The following INTU variants were observed in gnomAD, a reference collection of about 807,000 sequenced individuals.
INTU encodes inturned planar cell polarity protein.
Under a neutral mutation model 100.5 loss-of-function variants are expected in INTU, and 68 were observed. That is an observed-to-expected ratio of 0.68 (90% CI 0.56 to 0.83). The LOEUF is 0.83. INTU is among the 40% of genes least tolerant of loss of function. The pLI is 0.00. For synonymous variants in INTU, 357 were observed against 395.7 expected (o/e 0.90, Z 1.16); for missense variants, 1,071 against 1,114.7 (o/e 0.96, Z 0.56).
At chr4:127,640,536 AAGATAC>A in intron 1 of INTU, among the ~76,000 whole-genome samples, 1 of 102,654 alleles carries the variant, frequency 9.7e-6, no homozygotes, top group Admixed American at 1.1e-4. Context: ...CTTTTGGGTA[AAGATAC>A]ATATATATAT....
chr4:127,692,190 G>A (rs528913351), intron 8 of INTU, among the ~76,000 whole-genome samples: 1 of 151,808 alleles, frequency 6.6e-6, no homozygotes, highest in African/African-American at 2.4e-5. Flanking sequence ...TTCCATAGTG[G>A]TTGTACTAGT....
At chr4:127,673,017 C>T (rs1729004452) in intron 5 of INTU, among the ~76,000 whole-genome samples, 1 of 152,196 alleles carries the variant, frequency 6.6e-6, no homozygotes, top group Non-Finnish European at 1.5e-5. Flanking sequence ...TCCTTGAGAA[C>T]ACATTTAAAT....
rs539820199 is a variant in INTU, at chr4:127,678,234, T to G, written c.1181+4021T>G. Among the ~76,000 whole-genome samples the G allele has an allele frequency of 9.3e-3, 1,410 of 152,106 alleles. 23 individuals are homozygous for G. Among genetic ancestry groups the G allele is most frequent in the African/African-American group, 0.028 (1,161 of 41,478 alleles). On this transcript the variant is annotated intron_variant, in intron 6 of 15. Coordinates refer to ENST00000335251, the MANE Select transcript of INTU (RefSeq NM_015693.4). ...TAGCAAGGCAGGCCAACATTCAGAT[T>G]CAGGAAATACAGAGAACGCCACAAA...
intron 1 of INTU, among the ~76,000 whole-genome samples, chr4:127,640,538 GATACATATATATATATATATATATAT>G (rs1196179456): frequency 4.3e-5 from 3 of 70,372 alleles, no homozygotes; most frequent in Non-Finnish European, 7.3e-5. Flanking sequence ...TTTGGGTAAA[GATACATATATATATATATATATATAT>G]ATATATATAT....
chr4:127,649,864 A>G (rs1212023576), intron 2 of INTU, among the ~76,000 whole-genome samples: 3 of 152,112 alleles, frequency 2.0e-5, no homozygotes, highest in Admixed American at 2.0e-4. Context: ...TTTCCTAATA[A>G]TATATTTAGG....
chr4:127,681,847 C>T (rs533744728), intron 6 of INTU, among the ~76,000 whole-genome samples: 1 of 152,140 alleles, frequency 6.6e-6, no homozygotes, highest in East Asian at 1.9e-4. Context: ...TTTTTGCAAC[C>T]TACTCATCTG....
chr4:127,673,561 T>G (rs1260933235), intron 5 of INTU, among the ~76,000 whole-genome samples: 1 of 151,860 alleles, frequency 6.6e-6, no homozygotes, highest in East Asian at 1.9e-4. Context: ...TTTTTTTTTT[T>G]TTCTATAATA....
At chr4:127,707,962 C>G (rs768146021) in intron 12 of INTU, among the ~76,000 whole-genome samples, 6 of 152,116 alleles carry the variant, frequency 3.9e-5, no homozygotes, top group Non-Finnish European at 7.4e-5. Context: ...CTATGAAATG[C>G]TAGTAGCATG....
chr4:127,706,518 C>G lies in INTU; in HGVS notation c.1820C>G (p.Ala607Gly). Residue 607 changes from alanine (A) to glycine (G), a missense_variant, in exon 12 of 16, where the codon GCT (alanine) becomes GGT (glycine). Transcript: ENST00000335251. Reference sequence around the variant, plus strand: ...TATATGCTATGTGTACTATTAGAAGCTGGAGGTTGCGCATCCAAAGCTATT... The same window carrying G: ...TATATGCTATGTGTACTATTAGAAGGTGGAGGTTGCGCATCCAAAGCTATT... The part of the protein sequence containing the change: ...KHYMLCVLLE[A>G]GGCASKAIGS... The G allele has an allele frequency of 6.2e-7, 1 of 1,613,528 alleles. No individual in the cohort carries two copies. Among genetic ancestry groups the G allele is most frequent in the South Asian group, 1.1e-5 (1 of 91,044 alleles).
chr4:127,699,686 G>T lies in INTU; in HGVS notation c.1450-324G>T, dbSNP rs543046227. Among the ~76,000 whole-genome samples the T allele has an allele frequency of 2.6e-5, 4 of 152,284 alleles. No individual in the cohort carries two copies. In the East Asian group the frequency reaches 7.7e-4, roughly 29 times the overall value. On this transcript the variant is annotated intron_variant, in intron 8 of 15. Transcript: ENST00000335251. ...AACTTAAAACTGGAAAGCAACTTTT[G>T]AAGCTCATAAATTTACTATGCATTG...
chr4:127,673,001 A>G (rs1459228947), intron 5 of INTU, among the ~76,000 whole-genome samples: 1 of 152,228 alleles, frequency 6.6e-6, no homozygotes, highest in East Asian at 1.9e-4. Context: ...CATCACCCCA[A>G]AAGTTTCCTT....
chr4:127,637,684 C>A (rs1472350113), intron 1 of INTU, among the ~76,000 whole-genome samples: 1 of 152,082 alleles, frequency 6.6e-6, no homozygotes, highest in Admixed American at 6.6e-5. Context: ...ATTCTCTGTC[C>A]CATCTGACAT....
chr4:127,642,211 G>A (rs952758874), intron 1 of INTU, among the ~76,000 whole-genome samples: 9 of 152,164 alleles, frequency 5.9e-5, no homozygotes, highest in African/African-American at 1.9e-4. Context: ...GATAGGTATT[G>A]TTGAAATAAG....
At chr4:127,675,269 G>T (rs544371436) in intron 6 of INTU, among the ~76,000 whole-genome samples, 82 of 152,290 alleles carry the variant, frequency 5.4e-4, no homozygotes, top group African/African-American at 2.0e-3. Context: ...TATAATATGT[G>T]ATGGATACAA....
chr4:127,699,673 G>C (rs1011876544), intron 8 of INTU, among the ~76,000 whole-genome samples: 3 of 152,146 alleles, frequency 2.0e-5, no homozygotes, highest in Non-Finnish European at 4.4e-5. Context: ...CTTAAAACTG[G>C]AAAGCAACTT....
At position 127,720,205 on chromosome 4, in the gene INTU, ACTT is replaced by A. The variant is rs558655072; in HGVS notation, c.*3773_*3775del. The A allele has an allele frequency of 5.9e-5, 9 of 152,296 alleles. No individual in the cohort carries two copies. In the South Asian group the frequency reaches 1.9e-3, roughly 32 times the overall value. 9.4% of individuals were successfully genotyped at this position (152,296 alleles called of 1,614,324 possible). A position where few individuals can be genotyped will look rare whatever the true frequency, so the allele number is the denominator to read the frequency against. ...TCTTTGTTTTCATTGGTTTCAAAGA[ACTT>A]CTTGATTTCTCTCTTAATTTCATTA... is the stretch of plus-strand genomic sequence containing the variant. On this transcript the variant is annotated 3_prime_UTR_variant, in exon 16 of 16. Transcript: ENST00000335251.
intron 1 of INTU, among the ~76,000 whole-genome samples, chr4:127,640,831 C>T (rs946806330): frequency 2.0e-5 from 3 of 151,520 alleles, no homozygotes; most frequent in Non-Finnish European, 4.4e-5. Flanking sequence ...CAGAATAACC[C>T]TATATGTGTT....
intron 14 of INTU, among the ~76,000 whole-genome samples, chr4:127,711,691 G>A (rs1242893741): frequency 6.6e-6 from 1 of 152,172 alleles, no homozygotes; most frequent in African/African-American, 2.4e-5. Flanking sequence ...GCATGTGAGG[G>A]ATCTAGGCTG....
rs1731303106 is a variant in INTU, at chr4:127,718,624, T to A, written c.*2188T>A. On this transcript the variant is annotated 3_prime_UTR_variant, in exon 16 of 16. Transcript: ENST00000335251. ...ATTCTTACTGTCTGTGAGCATGGAA[T>A]ATTTTTCCATTTGTTTGTGTCCTCT... is the stretch of plus-strand genomic sequence containing the variant. 1 of 152,234 alleles carries A rather than the reference T, an allele frequency of 6.6e-6. No homozygotes were observed. The highest frequency in any genetic ancestry group is 1.5e-5 in the Non-Finnish European group (1 of 68,046). 9.4% of individuals were successfully genotyped at this position (152,234 alleles called of 1,614,324 possible).
Sources: allele counts gnomAD v4.1 joint callset (sites outside exome capture counted in the v4.1 genomes callset), GRCh38; gene constraint gnomAD v4.1.1; transcripts MANE v1.5; gene names NCBI Gene and HGNC (gene_info 2026-07-23, HGNC 2026-07-21).